TBC1D31: variants seen among roughly 807,000 people sequenced by gnomAD.
TBC1D31 encodes WD repeat domain 67.
In TBC1D31, 99 loss-of-function variants were observed where a neutral mutation model predicts 132.9. The observed-to-expected ratio is 0.74, with a 90% CI of 0.63 to 0.88. The LOEUF (loss-of-function observed/expected upper bound fraction) is 0.88. Among genes scored for constraint, TBC1D31 ranks in the 40% least tolerant of loss-of-function variants. The probability of loss-of-function intolerance (pLI) is 0.00; values close to 1 mark genes in which losing one functional copy is unlikely to be tolerated. For synonymous variants in TBC1D31, 385 were observed against 419.4 expected (o/e 0.92, Z 1.00); for missense variants, 1,134 against 1,256.6 (o/e 0.90, Z 1.48).
intron 8 of TBC1D31, among the ~76,000 whole-genome samples, chr8:123,107,857 G>A (rs10505431): frequency 0.17 from 25,477 of 152,166 alleles, 2,150 homozygotes; most frequent in Middle Eastern, 0.25. Flanking sequence ...GCATTAGCAC[G>A]TGGAAAGAAA....
rs995300189 is a variant in TBC1D31 at position 123,072,719 on chromosome 8, C to T, written c.-51C>T. On this transcript the variant is annotated 5_prime_UTR_variant, in exon 1 of 22. Transcript: ENST00000287380. Reference sequence around the variant, plus strand: ...GGGAGCGCTGGGCCTGCCGGGAAGGCGCTGGGACGGTTACCCAGCGGGCCG... The same window carrying T: ...GGGAGCGCTGGGCCTGCCGGGAAGGTGCTGGGACGGTTACCCAGCGGGCCG... 6.5e-7 allele frequency: 1 copy of T among 1,539,584 alleles called. No homozygotes were observed. Among genetic ancestry groups the T allele is most frequent in the South Asian group, 1.2e-5 (1 of 83,664 alleles).
At chr8:123,146,896 C>G (rs1013440550) in intron 20 of TBC1D31, among the ~76,000 whole-genome samples, 1 of 151,986 alleles carries the variant, frequency 6.6e-6, no homozygotes, top group African/African-American at 2.4e-5. Flanking sequence ...AGGCTTGTCT[C>G]GAACTCCTGG....
Position 123,097,447 on chromosome 8 carries a change from T to G in TBC1D31, c.831+6T>G. 1 of 1,614,036 alleles carries G rather than the reference T, an allele frequency of 6.2e-7. No homozygotes were observed. Among genetic ancestry groups the G allele is most frequent in the Non-Finnish European group, 8.5e-7 (1 of 1,179,958 alleles). ...TTGATGCTGGTTCTAATCAGGTTAG[T>G]AACATAAATGTAGGGCACTGTACTT... On this transcript the variant is annotated splice_donor_region_variant and intron_variant, in intron 6 of 21. Coordinates refer to ENST00000287380, the MANE Select transcript of TBC1D31 (RefSeq NM_145647.4).
chr8:123,076,379 A>C (rs1451811845), intron 1 of TBC1D31, among the ~76,000 whole-genome samples: 1 of 150,606 alleles, frequency 6.6e-6, no homozygotes, highest in Non-Finnish European at 1.5e-5. Flanking sequence ...TCAGTGTTTA[A>C]AACTTCAGGT....
In TBC1D31 at chr8:123,145,463, A is replaced by G. The variant is rs574287069; in HGVS notation, c.2974+608A>G. Among the ~76,000 whole-genome samples the G allele has an allele frequency of 2.6e-5, 4 of 152,338 alleles. No individual in the cohort carries two copies. In the East Asian group the frequency reaches 7.7e-4, roughly 29 times the overall value. ...AAAAGCTGGTCCTCAGAACAACAGTATATTCAAGTATCACATGGAAACTTC... is the reference window on the plus strand; with the variant it reads ...AAAAGCTGGTCCTCAGAACAACAGTGTATTCAAGTATCACATGGAAACTTC... On this transcript the variant is annotated intron_variant, in intron 20 of 21. Coordinates refer to ENST00000287380, the MANE Select transcript of TBC1D31 (RefSeq NM_145647.4).
At chr8:123,126,741 A>ATT in intron 13 of TBC1D31, 54 bp downstream of exon 13, 1 of 1,370,722 alleles carries the variant, frequency 7.3e-7, no homozygotes, top group Non-Finnish European at 9.9e-7. Flanking sequence ...ATTTCTCTCT[A>ATT]TTTTTTTTTT....
chr8:123,139,894 C>T (rs1821458197), intron 17 of TBC1D31, among the ~76,000 whole-genome samples: 1 of 152,214 alleles, frequency 6.6e-6, no homozygotes, highest in African/African-American at 2.4e-5. Flanking sequence ...GGCTATTCTG[C>T]ACTAGGTGAG....
At chr8:123,117,295 A>T (rs1166146334) in intron 10 of TBC1D31, among the ~76,000 whole-genome samples, 1 of 151,996 alleles carries the variant, frequency 6.6e-6, no homozygotes, top group Non-Finnish European at 1.5e-5. Context: ...GCCTGGGTGA[A>T]AGAGTGAGAC....
chr8:123,080,916 G>A (rs1344657173), intron 2 of TBC1D31, among the ~76,000 whole-genome samples: 4 of 152,132 alleles, frequency 2.6e-5, no homozygotes, highest in Non-Finnish European at 4.4e-5. Flanking sequence ...GTTCGGGATG[G>A]CATATTCTGC....
intron 2 of TBC1D31, among the ~76,000 whole-genome samples, chr8:123,081,331 A>C (rs1815124264): frequency 6.6e-6 from 1 of 152,116 alleles, no homozygotes; most frequent in Non-Finnish European, 1.5e-5. Context: ...CCATGTAAAC[A>C]CTGTTGACTT....
At chr8:123,149,578 T>G (rs1822575633) in intron 20 of TBC1D31, among the ~76,000 whole-genome samples, 2 of 152,100 alleles carry the variant, frequency 1.3e-5, no homozygotes, top group Admixed American at 6.6e-5. Context: ...TTGATAAAAG[T>G]AGGGGAGGCA....
rs1353267684 is a variant in TBC1D31 at position 123,128,506 on chromosome 8, A to T, written c.2110A>T (p.Arg704Ter). ...RIRNDELDYL[R>*]ERQTVEDMQA... ...AAGGAATGATGAATTGGATTACTTAAGAGAGAGGTAATTATGGAATAGTTT... is the reference window on the plus strand; with the variant it reads ...AAGGAATGATGAATTGGATTACTTATGAGAGAGGTAATTATGGAATAGTTT... The change falls in exon 14 of 22, where the codon AGA (arginine) becomes TGA (stop). Residue 704 changes from arginine to a stop codon, truncating the protein, a stop_gained. Coordinates refer to ENST00000287380, the MANE Select transcript of TBC1D31 (RefSeq NM_145647.4). LOFTEE classifies it high-confidence loss of function. 1 of 1,580,532 alleles carries T rather than the reference A, an allele frequency of 6.3e-7. No homozygotes were observed. The highest frequency in any genetic ancestry group is 8.7e-7 in the Non-Finnish European group (1 of 1,150,102).
intron 10 of TBC1D31, among the ~76,000 whole-genome samples, chr8:123,117,752 C>CAAAAAA (rs71310657): frequency 5.6e-5 from 5 of 89,934 alleles, no homozygotes; most frequent in Non-Finnish European, 8.6e-5. Flanking sequence ...AACTCCGTCT[C>CAAAAAA]AAAAAAAAAA....
chr8:123,102,404 A>G (rs1350867443), intron 7 of TBC1D31: 1 of 357,884 alleles, frequency 2.8e-6, no homozygotes, highest in Non-Finnish European at 5.4e-6. Context: ...TTTTTGTTTT[A>G]TCTTTTAAAA....
At chr8:123,138,638 TG>T (rs1821324350) in intron 17 of TBC1D31, among the ~76,000 whole-genome samples, 1 of 152,228 alleles carries the variant, frequency 6.6e-6, no homozygotes, top group Non-Finnish European at 1.5e-5. Flanking sequence ...CCCATGGATT[TG>T]CCTATTCTGG....
At chr8:123,096,533 A>G (rs1298489641) in intron 5 of TBC1D31, among the ~76,000 whole-genome samples, 2 of 152,166 alleles carry the variant, frequency 1.3e-5, no homozygotes, top group Non-Finnish European at 1.5e-5. Context: ...TTATAGTTCT[A>G]TATAGAACTT....
intron 10 of TBC1D31, among the ~76,000 whole-genome samples, chr8:123,114,459 T>C (rs1479727998): frequency 6.6e-6 from 1 of 151,978 alleles, no homozygotes; most frequent in Admixed American, 6.6e-5. Flanking sequence ...TAGCTGGGAC[T>C]ACAGGCACCC....
intron 7 of TBC1D31, chr8:123,102,769 A>G (rs1289514227): frequency 6.5e-6 from 1 of 153,954 alleles, no homozygotes; most frequent in Admixed American, 6.5e-5. Flanking sequence ...CAGCTCTCAT[A>G]GTGTAAACAA....
chr8:123,144,765 G>T lies in TBC1D31; in HGVS notation c.2884G>T (p.Ala962Ser). 3.1e-6 allele frequency: 5 copies of T among 1,612,810 alleles called. No homozygotes were observed. Among genetic ancestry groups the T allele is most frequent in the Non-Finnish European group, 4.2e-6 (5 of 1,179,700 alleles). ...KEFRLRSAKKASALSDASRKW... is the reference protein window; with the variant it reads ...KEFRLRSAKKSSALSDASRKW... ...GTTCCGTTTGAGATCAGCAAAGAAAGCTTCTGCTCTTTCAGATGCGTCTAG... is the reference window on the plus strand; with the variant it reads ...GTTCCGTTTGAGATCAGCAAAGAAATCTTCTGCTCTTTCAGATGCGTCTAG... The change falls in exon 20 of 22, where the codon GCT (alanine) becomes TCT (serine). Residue 962 changes from alanine (A) to serine (S), a missense_variant. Transcript: ENST00000287380.
Sources: gnomAD v4.1 joint callset for allele counts (sites outside exome capture counted in the v4.1 genomes callset) on GRCh38, gnomAD v4.1.1 for gene constraint, MANE v1.5 for transcripts, NCBI Gene and HGNC (gene_info 2026-07-23, HGNC 2026-07-21) for gene names.